The following ADAMTS12 variants were observed in gnomAD, a reference collection of about 807,000 sequenced individuals.
ADAMTS12 encodes the protein A disintegrin and metalloproteinase with thrombospondin motifs 12.
In ADAMTS12, 118 loss-of-function variants were observed where a neutral mutation model predicts 167.8. The ratio of observed to expected loss-of-function variants is 0.70; its 90% CI spans 0.61 to 0.82. The LOEUF (loss-of-function observed/expected upper bound fraction) is 0.82, where lower values mean the gene tolerates loss of function less well. Among genes scored for constraint, ADAMTS12 ranks in the 40% least tolerant of loss-of-function variants. The probability of loss-of-function intolerance (pLI) is 0.00; values close to 1 mark genes in which losing one functional copy is unlikely to be tolerated. For synonymous variants in ADAMTS12, 704 were observed against 716.9 expected, an observed-to-expected ratio of 0.98 and a Z score of 0.29; for missense variants, 1,916 against 1,998.8, an observed-to-expected ratio of 0.96 and a Z score of 0.79.
Position 33,560,935 on chromosome 5 carries a change from A to C in ADAMTS12, c.4125+92T>G, listed in dbSNP as rs1745718471. On this transcript the variant is annotated intron_variant, in intron 20 of 23. Coordinates refer to ENST00000504830, the MANE Select transcript of ADAMTS12 (RefSeq NM_030955.4). ...TAATTAAGAAAAAGAAAAAAAAAAA[A>C]AACGACTTTAGCAAGTGTTTATATA... is the stretch of plus-strand genomic sequence containing the variant. 8.1e-6 allele frequency: 12 copies of C among 1,489,718 alleles called. No homozygotes were observed. In the South Asian group the frequency reaches 1.3e-4, roughly 16 times the overall value. The allele number at this position is 1,489,718 out of a possible 1,614,324, so 92.3% of individuals were successfully genotyped here. A position where few individuals can be genotyped will look rare whatever the true frequency, so the allele number is the denominator to read the frequency against.
At chr5:33,840,566 G>A (rs1376682298) in intron 2 of ADAMTS12, among the ~76,000 whole-genome samples, 1 of 152,218 alleles carries the variant, frequency 6.6e-6, no homozygotes, top group Non-Finnish European at 1.5e-5. Context: ...AGTTGTGAAG[G>A]TTATGTGAAA....
At chr5:33,629,578 T>A (rs1282318464) in intron 13 of ADAMTS12, among the ~76,000 whole-genome samples, 1 of 152,146 alleles carries the variant, frequency 6.6e-6, no homozygotes, top group Non-Finnish European at 1.5e-5. Flanking sequence ...TGCCTGATGA[T>A]GAAAAAGCCT....
At chr5:33,674,628 T>A (rs1261929694) in intron 5 of ADAMTS12, among the ~76,000 whole-genome samples, 1 of 152,184 alleles carries the variant, frequency 6.6e-6, no homozygotes, top group African/African-American at 2.4e-5. Context: ...AAACCCACTG[T>A]ATGCATAGCA....
intron 3 of ADAMTS12, among the ~76,000 whole-genome samples, chr5:33,707,488 TAG>T (rs756835044): frequency 6.6e-6 from 1 of 152,204 alleles, no homozygotes; most frequent in Non-Finnish European, 1.5e-5. Flanking sequence ...AGAACCCATA[TAG>T]CCAAGACAAT....
At chr5:33,612,823 C>G (rs1420071567) in intron 16 of ADAMTS12, among the ~76,000 whole-genome samples, 1 of 152,196 alleles carries the variant, frequency 6.6e-6, no homozygotes, top group African/African-American at 2.4e-5. Context: ...CAACACCACT[C>G]ATGGCTGCTG....
intron 5 of ADAMTS12, among the ~76,000 whole-genome samples, chr5:33,665,118 A>G (rs1476502281): frequency 6.6e-6 from 1 of 152,182 alleles, no homozygotes; most frequent in African/African-American, 2.4e-5. Flanking sequence ...TTGTGACAAC[A>G]TGGATGAACT....
At chr5:33,596,929 G>A (rs1737915509) in intron 16 of ADAMTS12, among the ~76,000 whole-genome samples, 1 of 152,206 alleles carries the variant, frequency 6.6e-6, no homozygotes, top group African/African-American at 2.4e-5. Context: ...AGACCAGGTA[G>A]TTAATGTAAG....
intron 18 of ADAMTS12, among the ~76,000 whole-genome samples, chr5:33,587,266 A>G (rs1747407170): frequency 6.6e-6 from 1 of 152,206 alleles, no homozygotes; most frequent in South Asian, 2.1e-4. Context: ...AGAGCAGGTG[A>G]AAAGCAATCT....
rs768460255 is a variant in ADAMTS12, at chr5:33,649,640, C to G, written c.1248G>C (p.Pro416=). The change falls in exon 8 of 24, where the codon CCG becomes CCC. Residue 416 remains proline, a synonymous_variant. Coordinates refer to ENST00000504830, the MANE Select transcript of ADAMTS12 (RefSeq NM_030955.4). ...ENDCEPVGRH[P]YIMSRQLQYD... ...ACTGGAGCTGGCGGGACATGATGTACGGATGTCTGCCCACAGGCTCACAGT... is the reference window on the plus strand; with the variant it reads ...ACTGGAGCTGGCGGGACATGATGTAGGGATGTCTGCCCACAGGCTCACAGT... 1.2e-6 allele frequency: 2 copies of G among 1,614,032 alleles called. No homozygotes were observed. Among genetic ancestry groups the G allele is most frequent in the South Asian group, 2.2e-5 (2 of 91,072 alleles).
intron 3 of ADAMTS12, among the ~76,000 whole-genome samples, chr5:33,729,976 G>A (rs1273614916): frequency 6.6e-6 from 1 of 152,180 alleles, no homozygotes; most frequent in East Asian, 1.9e-4. Context: ...TTAAGAGTCT[G>A]TCTATGGGCA....
intron 3 of ADAMTS12, among the ~76,000 whole-genome samples, chr5:33,750,505 C>T (rs930804329): frequency 6.6e-6 from 1 of 152,178 alleles, no homozygotes; most frequent in East Asian, 1.9e-4. Flanking sequence ...CCCTCACTGC[C>T]TCATCATCTG....
At chr5:33,564,237 G>A (rs1745894650) in intron 19 of ADAMTS12, among the ~76,000 whole-genome samples, 2 of 152,178 alleles carry the variant, frequency 1.3e-5, no homozygotes, top group Admixed American at 1.3e-4. Flanking sequence ...TGAACAGATA[G>A]GATTTAAAAG....
At chr5:33,686,815 G>A (rs916917799) in intron 3 of ADAMTS12, among the ~76,000 whole-genome samples, 43 of 151,106 alleles carry the variant, frequency 2.8e-4, no homozygotes, top group African/African-American at 1.0e-3. Context: ...GAGAGAGGGA[G>A]AGAGATGTAT....
intron 20 of ADAMTS12, among the ~76,000 whole-genome samples, chr5:33,555,461 G>T (rs563850406): frequency 6.6e-6 from 1 of 152,268 alleles, no homozygotes; most frequent in South Asian, 2.1e-4. Flanking sequence ...TATTGCCCAG[G>T]CTGGTCTTGA....
At chr5:33,609,019 A>G (rs2112077214) in intron 16 of ADAMTS12, among the ~76,000 whole-genome samples, 1 of 152,324 alleles carries the variant, frequency 6.6e-6, no homozygotes, top group South Asian at 2.1e-4. Flanking sequence ...TGTCAAGTGC[A>G]GTTATAGCCA....
chr5:33,731,060 TTAAA>T (rs1744176143), intron 3 of ADAMTS12, among the ~76,000 whole-genome samples: 1 of 152,200 alleles, frequency 6.6e-6, no homozygotes, highest in African/African-American at 2.4e-5. Context: ...ATTGGGAGAA[TTAAA>T]TAAGGGATGT....
intron 3 of ADAMTS12, among the ~76,000 whole-genome samples, chr5:33,748,261 G>A (rs577780401): frequency 3.3e-5 from 5 of 152,220 alleles, no homozygotes; most frequent in African/African-American, 4.8e-5. Flanking sequence ...GCTTGTCATC[G>A]TTGATAAAAT....
At chr5:33,733,302 C>T (rs1022573774) in intron 3 of ADAMTS12, among the ~76,000 whole-genome samples, 2 of 151,992 alleles carry the variant, frequency 1.3e-5, no homozygotes, top group Non-Finnish European at 2.9e-5. Flanking sequence ...TTCAAGAAAA[C>T]CAGTTGTAGG....
intron 2 of ADAMTS12, among the ~76,000 whole-genome samples, chr5:33,860,434 T>G (rs1448417669): frequency 6.6e-6 from 1 of 151,866 alleles, no homozygotes; most frequent in Non-Finnish European, 1.5e-5. Context: ...ATCAACTTAA[T>G]GAATAAAGTG....
Sources: gnomAD v4.1 joint callset for allele counts (sites outside exome capture counted in the v4.1 genomes callset) on GRCh38, gnomAD v4.1.1 for gene constraint, MANE v1.5 for transcripts, NCBI Gene and HGNC (gene_info 2026-07-23, HGNC 2026-07-21) for gene names.